The following ECE1 variants were observed in gnomAD, a reference collection of about 807,000 sequenced individuals.
The protein encoded by ECE1 is endothelin converting enzyme 1, also known as endothelin-converting enzyme 1.
Under a neutral mutation model 98.6 loss-of-function variants are expected in ECE1, and 35 were observed. The ratio of observed to expected loss-of-function variants is 0.35; its 90% CI spans 0.27 to 0.47. ECE1 has a LOEUF of 0.47. ECE1 is among the 20% of genes least tolerant of loss of function. The pLI is 1.00. For missense variants in ECE1, 814 were observed against 1,025.3 expected, an observed-to-expected ratio of 0.79 and a Z score of 2.81; for synonymous variants, 394 against 407.1, an observed-to-expected ratio of 0.97 and a Z score of 0.39.
chr1:21,236,356 C>G (rs2098188007), intron 12 of ECE1, among the ~76,000 whole-genome samples: 1 of 152,262 alleles, frequency 6.6e-6, no homozygotes. Flanking sequence ...TGCTGCCGGA[C>G]AGAACTGGCC....
At position 21,225,810 on chromosome 1, in the gene ECE1, C is replaced by T. The variant is rs777727352; in HGVS notation, c.1850-370G>A. 2.6e-5 allele frequency among the ~76,000 whole-genome samples: 4 copies of T among 151,568 alleles called. No individual in the cohort carries two copies. The South Asian group carries it at 6.2e-4, about 24-fold the overall frequency. On this transcript the variant is annotated intron_variant, in intron 16 of 18. Coordinates refer to ENST00000374893, the MANE Select transcript of ECE1 (RefSeq NM_001397.3). This position sits in a 1 kb window ranked among gnomAD's most constrained non-coding sequence, Gnocchi z 5.3. ...GGGTTCAAGGAATTCTTGTGCTCAG[C>T]CTCTGGAGTAGCTGGGATTACAGGC...
rs541244048 is a variant in ECE1 at position 21,246,614 on chromosome 1, T to C, written c.1163+607A>G. The stretch of plus-strand genomic sequence containing the variant: ...AGGCACTCTATTAAATCACCTCATA[T>C]GGATTGTTTCACTTGATTCTCACAA... On this transcript the variant is annotated intron_variant, in intron 9 of 18. Coordinates refer to ENST00000374893, the MANE Select transcript of ECE1 (RefSeq NM_001397.3). 5.9e-5 allele frequency among the ~76,000 whole-genome samples: 9 copies of C among 152,268 alleles called. No individual in the cohort carries two copies. The South Asian group carries it at 1.9e-3, about 32-fold the overall frequency.
intron 1 of ECE1, among the ~76,000 whole-genome samples, chr1:21,338,159 T>C (rs938372693): frequency 2.6e-5 from 4 of 152,194 alleles, no homozygotes; most frequent in African/African-American, 9.7e-5. Context: ...GCCAGGCAGC[T>C]GGGGGTGTGT....
At chr1:21,273,914 C>T in intron 3 of ECE1, among the ~76,000 whole-genome samples, 1 of 152,226 alleles carries the variant, frequency 6.6e-6, no homozygotes, top group Non-Finnish European at 1.5e-5. Context: ...CTGAGCTCTC[C>T]CAAAGGACCC....
chr1:21,223,831 C>A (rs907125880), intron 17 of ECE1, among the ~76,000 whole-genome samples: 1 of 151,696 alleles, frequency 6.6e-6, no homozygotes, highest in African/African-American at 2.4e-5. Context: ...CTCCTGGCCT[C>A]AAATGATCCG....
At position 21,235,083 on chromosome 1, in the gene ECE1, G is replaced by A. The variant is rs903258023; in HGVS notation, c.1566+767C>T. ...TGAATATGAGCCAGCCTGGGAGGCG[G>A]AGGTTGCAGTGAGCTGAGATAGCAC... On this transcript the variant is annotated intron_variant, in intron 13 of 18. Coordinates refer to ENST00000374893, the MANE Select transcript of ECE1 (RefSeq NM_001397.3). The surrounding 1 kb of genome is among the most constrained non-coding windows in gnomAD (Gnocchi z 4.2). Among the ~76,000 whole-genome samples the A allele has an allele frequency of 2.6e-5, 4 of 152,160 alleles. No individual in the cohort carries two copies. The highest frequency in any genetic ancestry group is 9.7e-5 in the African/African-American group (4 of 41,448).
chr1:21,312,622 T>TA (rs1191813669), intron 1 of ECE1, among the ~76,000 whole-genome samples: 5 of 151,858 alleles, frequency 3.3e-5, no homozygotes, highest in Non-Finnish European at 7.4e-5. Context: ...GTCTCTTAAA[T>TA]AAATAAATAA....
chr1:21,246,709 T>A lies in ECE1; in HGVS notation c.1163+512A>T, dbSNP rs533280464. On this transcript the variant is annotated intron_variant, in intron 9 of 18. Coordinates refer to ENST00000374893, the MANE Select transcript of ECE1 (RefSeq NM_001397.3). ...TTTTACTCTGTCTCCCACGCTGGAG[T>A]GCAACAGTGCAATCACAGCTCACTA... Among the ~76,000 whole-genome samples the A allele has an allele frequency of 2.0e-5, 3 of 152,138 alleles. No individual in the cohort carries two copies. In the East Asian group the frequency reaches 5.8e-4, roughly 29 times the overall value.
chr1:21,309,815 G>A (rs910248934), intron 1 of ECE1, among the ~76,000 whole-genome samples: 3 of 142,780 alleles, frequency 2.1e-5, no homozygotes, highest in Non-Finnish European at 3.0e-5. Context: ...GTTTTGAGAC[G>A]GAGTCTCGCT....
At chr1:21,245,267 G>A (rs1028222227) in intron 9 of ECE1, among the ~76,000 whole-genome samples, 164 bp from the exon 10 acceptor site, 1 of 152,188 alleles carries the variant, frequency 6.6e-6, no homozygotes, top group African/African-American at 2.4e-5. Context: ...CACGTGCAAT[G>A]TAAGCTCTTC....
At chr1:21,308,703 G>A (rs1023080010) in intron 1 of ECE1, among the ~76,000 whole-genome samples, 3 of 151,904 alleles carry the variant, frequency 2.0e-5, no homozygotes, top group Admixed American at 2.0e-4. Context: ...TGAATGAGAC[G>A]GTGAACAGCC....
intron 1 of ECE1, among the ~76,000 whole-genome samples, chr1:21,342,719 C>T (rs898710669): frequency 6.6e-6 from 1 of 152,128 alleles, no homozygotes; most frequent in African/African-American, 2.4e-5. Flanking sequence ...GAAGTGAGTG[C>T]TGGATTTGTT....
intron 10 of ECE1, among the ~76,000 whole-genome samples, chr1:21,244,324 C>T (rs2098200363): frequency 6.6e-6 from 1 of 152,216 alleles, no homozygotes; most frequent in South Asian, 2.1e-4. Flanking sequence ...GACCCCAGCT[C>T]ACCTGTCTCA....
chr1:21,333,472 T>G (rs1223534272), intron 1 of ECE1, among the ~76,000 whole-genome samples: 1 of 152,092 alleles, frequency 6.6e-6, no homozygotes, highest in Non-Finnish European at 1.5e-5. Flanking sequence ...ACCGCGTTCA[T>G]CAGAAAACAG....
rs1232488191 is a variant in ECE1 at position 21,264,319 on chromosome 1, CCTT to C, written c.494-3930_494-3928del. Among the ~76,000 whole-genome samples the C allele has an allele frequency of 5.5e-4, 79 of 143,638 alleles. 1 individual carries two copies. Among genetic ancestry groups the C allele is most frequent in the Admixed American group, 4.8e-4 (7 of 14,444 alleles). The allele number at this position is 143,638 out of a possible 152,430, so 94.2% of individuals were successfully genotyped here. The stretch of plus-strand genomic sequence containing the variant: ...CTGGAATATACCAATTCCCCCCCCC[CCTT>C]TTTTTTTTTTGACACTGAGTCTCGC... On this transcript the variant is annotated intron_variant, in intron 4 of 18. Coordinates refer to ENST00000374893, the MANE Select transcript of ECE1 (RefSeq NM_001397.3).
chr1:21,227,941 A>G lies in ECE1; in HGVS notation c.1771T>C (p.Ser591Pro), dbSNP rs1186146622. The change falls in exon 15 of 19, where the codon TCC becomes CCC. Residue 591 changes from serine (S) to proline (P), a missense_variant. Ser to Pro is a moderately conservative substitution (Grantham distance 74, BLOSUM62 -1). Coordinates refer to ENST00000374893, the MANE Select transcript of ECE1 (RefSeq NM_001397.3). ...CCAGAGGCAGCCTACTTGGGTGAGG[A>G]GCGTGTGTAGAATGGTGCCTGCAGG... ...GILQAPFYTR[S>P]SPKALNFGGI... The G allele has an allele frequency of 1.3e-6, 2 of 1,552,858 alleles. No homozygotes were observed. The highest frequency in any genetic ancestry group is 2.7e-5 in the African/African-American group (2 of 72,842).
intron 1 of ECE1, among the ~76,000 whole-genome samples, chr1:21,304,313 C>T (rs1429457371): frequency 1.1e-5 from 1 of 92,574 alleles, no homozygotes; most frequent in African/African-American, 5.5e-5. Context: ...GAGACTCCCT[C>T]TCAAAAAAAA....
rs575206741 is a variant in ECE1, at chr1:21,256,998, G to A, written c.828+527C>T. Among the ~76,000 whole-genome samples, 50 of 152,156 alleles carry A rather than the reference G, an allele frequency of 3.3e-4. No individual in the cohort carries two copies. In the South Asian group the frequency reaches 6.2e-3, roughly 19 times the overall value. On this transcript the variant is annotated intron_variant, in intron 7 of 18. Transcript: ENST00000374893. The stretch of plus-strand genomic sequence containing the variant: ...AGATGAATGAGTTCCAGGTGAGGTC[G>A]CCCCAAGAGGCATCACAAGAGGCAG...
chr1:21,241,929 G>A (rs990187742), intron 10 of ECE1, among the ~76,000 whole-genome samples: 2 of 152,164 alleles, frequency 1.3e-5, no homozygotes, highest in African/African-American at 4.8e-5. Flanking sequence ...AAGATGAAGA[G>A]CAGCCAGGCA....
Sources: allele counts gnomAD v4.1 joint callset (sites outside exome capture counted in the v4.1 genomes callset), GRCh38; gene constraint gnomAD v4.1.1; non-coding constraint Gnocchi (gnomAD v3.1); transcripts MANE v1.5; gene names NCBI Gene and HGNC (gene_info 2026-07-23, HGNC 2026-07-21).